DBNL: variants seen among roughly 807,000 people sequenced by gnomAD.
The protein encoded by DBNL is drebrin-like protein.
In DBNL, 35 loss-of-function variants were observed where a neutral mutation model predicts 62.2. The ratio of observed to expected loss-of-function variants is 0.56; its 90% confidence interval spans 0.43 to 0.75. The LOEUF is 0.75. Ranked by LOEUF, DBNL falls within the 30% of genes least tolerant of loss-of-function variation. DBNL has a pLI of 0.00. For synonymous variants in DBNL, 197 were observed against 218.0 expected, an observed-to-expected ratio of 0.90 and a Z score of 0.85; for missense variants, 495 against 578.4, an observed-to-expected ratio of 0.86 and a Z score of 1.48.
chr7:44,058,620 A>T, intron 8 of DBNL, 140 bp downstream of exon 8: 3 of 1,181,892 alleles, frequency 2.5e-6, no homozygotes, highest in Non-Finnish European at 3.6e-6. Flanking sequence ...TGGGCACCTC[A>T]AGAGGTGGCA....
Position 44,064,742 on chromosome 7 carries a change from T to C in DBNL, c.*3826T>C. 2 of 1,162,234 alleles carry C rather than the reference T, an allele frequency of 1.7e-6. No homozygotes were observed. Among genetic ancestry groups the C allele is most frequent in the South Asian group, 2.6e-5 (2 of 76,326 alleles). 72.0% of individuals were successfully genotyped at this position (1,162,234 alleles called of 1,614,324 possible). A position where few individuals can be genotyped will look rare whatever the true frequency, so the allele number is the denominator to read the frequency against. On this transcript the variant is annotated 3_prime_UTR_variant, in exon 13 of 13. Coordinates refer to ENST00000448521, the MANE Select transcript of DBNL (RefSeq NM_001014436.3). ...TGTGGAGCCCCACGCCTAGAAAGCC[T>C]GGTCCATGGGCGAGAGACTTTGCTG...
intron 3 of DBNL, 35 bp downstream of exon 3, chr7:44,051,977 G>C (rs76064691): frequency 6.3e-7 from 1 of 1,592,346 alleles, no homozygotes; most frequent in Non-Finnish European, 8.6e-7. Context: ...GTGTGACCCA[G>C]GAAACCCCAT....
At position 44,065,849 on chromosome 7, in the gene DBNL, G is replaced by A. The variant is rs2096159054; in HGVS notation, c.*4933G>A. 2.1e-6 allele frequency: 1 copy of A among 480,862 alleles called. No individual in the cohort carries two copies. Among genetic ancestry groups the A allele is most frequent in the Non-Finnish European group, 3.8e-6 (1 of 261,096 alleles). The allele number at this position is 480,862 out of a possible 1,614,324, so 29.8% of individuals were successfully genotyped here. A position where few individuals can be genotyped will look rare whatever the true frequency, so the allele number is the denominator to read the frequency against. On this transcript the variant is annotated 3_prime_UTR_variant, in exon 13 of 13. Transcript: ENST00000448521. ...TCAGGGATGGGCGTGAAGGGCAGAAGTCTGGGCCAGGGGAGATGGGGATAG... is the reference window on the plus strand; with the variant it reads ...TCAGGGATGGGCGTGAAGGGCAGAAATCTGGGCCAGGGGAGATGGGGATAG...
intron 2 of DBNL, chr7:44,050,550 G>T: frequency 5.4e-6 from 2 of 367,526 alleles, no homozygotes; most frequent in South Asian, 5.2e-5. Context: ...TGGGCAGCCT[G>T]CGTTGGGAGC....
At position 44,066,613 on chromosome 7, in the gene DBNL, G is replaced by GGCCAGTCTCAGA. The variant is rs2096160559; in HGVS notation, c.*5698_*5699insCCAGTCTCAGAG. The GGCCAGTCTCAGA allele has an allele frequency of 6.6e-6, 1 of 152,292 alleles. No homozygotes were observed. Among genetic ancestry groups the GGCCAGTCTCAGA allele is most frequent in the Non-Finnish European group, 1.5e-5 (1 of 68,060 alleles). 9.4% of individuals were successfully genotyped at this position (152,292 alleles called of 1,614,324 possible). A position where few individuals can be genotyped will look rare whatever the true frequency, so the allele number is the denominator to read the frequency against. On this transcript the variant is annotated 3_prime_UTR_variant, in exon 13 of 13. Coordinates refer to ENST00000448521, the MANE Select transcript of DBNL (RefSeq NM_001014436.3). ...AGCGGGTAGGTGAGAGGCCAGCAGA[G>GGCCAGTCTCAGA]GGACCACCACTCTGAGACTTGGATC... is the stretch of plus-strand genomic sequence containing the variant.
Position 44,061,241 on chromosome 7 carries a change from G to A in DBNL, c.*325G>A, listed in dbSNP as rs781319908. On this transcript the variant is annotated 3_prime_UTR_variant, in exon 13 of 13. Coordinates refer to ENST00000448521, the MANE Select transcript of DBNL (RefSeq NM_001014436.3). ...CTGCGGGGAAGGGTCCTGAGCAGGG[G>A]CATCTGGGAGGCTCTGGCTGCCTTC... The A allele has an allele frequency of 3.2e-6, 1 of 312,648 alleles. No individual in the cohort carries two copies. 19.4% of individuals were successfully genotyped at this position (312,648 alleles called of 1,614,324 possible).
intron 1 of DBNL, among the ~76,000 whole-genome samples, chr7:44,048,790 G>A (rs1319927674): frequency 6.6e-6 from 1 of 152,214 alleles, no homozygotes; most frequent in Non-Finnish European, 1.5e-5. Context: ...CCCTGCTGGG[G>A]ATGTTCAGTT....
At chr7:44,056,671 G>A (rs2096136923) in intron 4 of DBNL, 86 bp from the exon 5 acceptor site, 6 of 1,549,182 alleles carry the variant, frequency 3.9e-6, no homozygotes, top group Non-Finnish European at 5.3e-6. Flanking sequence ...TGGTATAGTA[G>A]TGGCCCGTGC....
Position 44,062,005 on chromosome 7 carries a change from C to T in DBNL, c.*1089C>T, listed in dbSNP as rs968316413. On this transcript the variant is annotated 3_prime_UTR_variant, in exon 13 of 13. Transcript: ENST00000448521. ...GGAGCCTCTGCCTACATGGGATGGC[C>T]CACTGTGTGGCGTCAGGTACCTGGC... is the stretch of plus-strand genomic sequence containing the variant. 13 of 153,326 alleles carry T rather than the reference C, an allele frequency of 8.5e-5. No individual in the cohort carries two copies. The highest frequency in any genetic ancestry group is 2.9e-4 in the African/African-American group (12 of 41,458). The allele number at this position is 153,326 out of a possible 1,614,324, so 9.5% of individuals were successfully genotyped here. A position where few individuals can be genotyped will look rare whatever the true frequency, so the allele number is the denominator to read the frequency against.
rs1218144218 is a variant in DBNL at position 44,064,877 on chromosome 7, C to T, written c.*3961C>T. 1 of 1,601,836 alleles carries T rather than the reference C, an allele frequency of 6.2e-7. No homozygotes were observed. The highest frequency in any genetic ancestry group is 8.5e-7 in the Non-Finnish European group (1 of 1,174,370). ...CCCCGCAGGCTGTTCCCGTGGGCTG[C>T]AATGAGCACTCGCTTGCCGGCCTTG... is the stretch of plus-strand genomic sequence containing the variant. On this transcript the variant is annotated 3_prime_UTR_variant, in exon 13 of 13. Coordinates refer to ENST00000448521, the MANE Select transcript of DBNL (RefSeq NM_001014436.3).
intron 2 of DBNL, chr7:44,050,528 C>G (rs2096124818): frequency 2.5e-6 from 1 of 397,502 alleles, no homozygotes; most frequent in Non-Finnish European, 4.8e-6. Flanking sequence ...GGAAACAGGC[C>G]TCTCCAGCTT....
In DBNL at chr7:44,059,620, C is replaced by A. The variant is rs1283457410; in HGVS notation, c.1009C>A (p.Pro337Thr). ...QAEEEAVYEE[P>T]PEQETFYEQP... is the part of the protein sequence containing the mutation. ...AGAAGAGGAGGCTGTGTATGAGGAA[C>A]CTCCAGAGCAGGAGACCTTCTACGA... Residue 337 changes from proline (P) to threonine (T), a missense_variant, in exon 11 of 13, where the codon CCT becomes ACT. Pro to Thr is a conservative substitution (Grantham distance 38). Coordinates refer to ENST00000448521, the MANE Select transcript of DBNL (RefSeq NM_001014436.3). The surrounding 1 kb of genome is among the most constrained non-coding windows in gnomAD (Gnocchi z 4.1). The A allele has an allele frequency of 5.0e-6, 8 of 1,609,782 alleles. No individual in the cohort carries two copies. The highest frequency in any genetic ancestry group is 3.3e-5 in the Admixed American group (2 of 59,960).
chr7:44,048,949 G>C (rs909439248), intron 1 of DBNL, among the ~76,000 whole-genome samples: 122 of 152,282 alleles, frequency 8.0e-4, no homozygotes, highest in African/African-American at 2.8e-3. Context: ...CGACCTCCCA[G>C]GCTTAAGCAA....
At chr7:44,057,017 C>T (rs2128793040) in intron 5 of DBNL, 114 bp downstream of exon 5, 1 of 1,457,728 alleles carries the variant, frequency 6.9e-7, no homozygotes, top group Non-Finnish European at 9.3e-7. Flanking sequence ...TGCTTAGTTT[C>T]TGCAGATGGT....
chr7:44,058,631 G>T (rs2036438508), intron 8 of DBNL, 151 bp downstream of exon 8: 1 of 1,114,018 alleles, frequency 9.0e-7, no homozygotes, highest in African/African-American at 1.6e-5. Flanking sequence ...AGAGGTGGCA[G>T]TAGAGAGGAA....
intron 1 of DBNL, among the ~76,000 whole-genome samples, chr7:44,045,867 A>G (rs544029975): frequency 1.7e-3 from 256 of 152,304 alleles, no homozygotes; most frequent in Admixed American, 3.9e-3. Flanking sequence ...GCTTGGTTCT[A>G]TGGGGTCTCT....
At position 44,059,719 on chromosome 7, in the gene DBNL, C is replaced by T. The variant is rs1005658123; in HGVS notation, c.1047+61C>T. 1.8e-5 allele frequency: 26 copies of T among 1,465,612 alleles called. No homozygotes were observed. The highest frequency in any genetic ancestry group is 9.8e-5 in the East Asian group (4 of 40,948). 90.8% of individuals were successfully genotyped at this position (1,465,612 alleles called of 1,614,324 possible). On this transcript the variant is annotated intron_variant, in intron 11 of 12. Transcript: ENST00000448521. The surrounding 1 kb of genome is among the most constrained non-coding windows in gnomAD (Gnocchi z 4.1). ...GCTGCATACTCAGGAACACTTATCA[C>T]GGGCCGCCTGAGTTTTCTGGGGGCA...
At chr7:44,052,828 G>A (rs762661293) in intron 3 of DBNL, 39 bp from the exon 4 acceptor site, 1 of 1,611,950 alleles carries the variant, frequency 6.2e-7, no homozygotes, top group African/African-American at 1.3e-5. Context: ...AGTGGCTTTG[G>A]GGGAGGCCTG....
chr7:44,064,751 G>C lies in DBNL; in HGVS notation c.*3835G>C. The C allele has an allele frequency of 8.0e-7, 1 of 1,251,152 alleles. No individual in the cohort carries two copies. The highest frequency in any genetic ancestry group is 2.0e-5 in the Admixed American group (1 of 50,498). 77.5% of individuals were successfully genotyped at this position (1,251,152 alleles called of 1,614,324 possible). A position where few individuals can be genotyped will look rare whatever the true frequency, so the allele number is the denominator to read the frequency against. On this transcript the variant is annotated 3_prime_UTR_variant, in exon 13 of 13. Transcript: ENST00000448521. ...CCACGCCTAGAAAGCCTGGTCCATG[G>C]GCGAGAGACTTTGCTGAGATGAGAA...
Sources: allele counts gnomAD v4.1 joint callset (sites outside exome capture counted in the v4.1 genomes callset), GRCh38; gene constraint gnomAD v4.1.1; non-coding constraint Gnocchi (gnomAD v3.1); transcripts MANE v1.5; gene names NCBI Gene and HGNC (gene_info 2026-07-23, HGNC 2026-07-21).